The following MDGA2 variants were observed in gnomAD, a reference collection of about 807,000 sequenced individuals.
The protein encoded by MDGA2 is MAM domain containing glycosylphosphatidylinositol anchor 2.
In MDGA2, 40 loss-of-function variants were observed where a neutral mutation model predicts 117.8. The ratio of observed to expected loss-of-function variants is 0.34; its 90% CI spans 0.26 to 0.44. The LOEUF is 0.44. MDGA2 is among the 20% of genes least tolerant of loss of function. The probability of loss-of-function intolerance (pLI) is 1.00; values close to 1 mark genes in which losing one functional copy is unlikely to be tolerated. For missense variants in MDGA2, 1,123 were observed against 1,250.6 expected (o/e 0.90, Z 1.54); for synonymous variants, 452 against 439.0 (o/e 1.03, Z -0.37).
intron 1 of MDGA2, among the ~76,000 whole-genome samples, chr14:47,397,061 G>A (rs912484552): frequency 7.2e-5 from 11 of 152,090 alleles, no homozygotes; most frequent in Non-Finnish European, 1.6e-4. Flanking sequence ...GTTCACAATA[G>A]CAAAGACTTG....
chr14:46,886,099 A>G (rs1340032563), intron 10 of MDGA2, among the ~76,000 whole-genome samples: 1 of 152,144 alleles, frequency 6.6e-6, no homozygotes, highest in Non-Finnish European at 1.5e-5. Context: ...CAATCCATGA[A>G]AAATTGTCTT....
chr14:47,527,263 A>G (rs1894991902), intron 1 of MDGA2, among the ~76,000 whole-genome samples: 1 of 152,224 alleles, frequency 6.6e-6, no homozygotes, highest in Non-Finnish European at 1.5e-5. Flanking sequence ...TGTAAAATAA[A>G]TCAGAAAATA....
At chr14:46,847,031 T>C (rs996245547) in intron 15 of MDGA2, among the ~76,000 whole-genome samples, 4 of 152,076 alleles carry the variant, frequency 2.6e-5, no homozygotes, top group Admixed American at 2.6e-4. Context: ...GCTGCTGTCC[T>C]GGGAAAGCCA....
In MDGA2 at chr14:47,061,440, T is replaced by C. The variant is rs970399148; in HGVS notation, c.1334A>G (p.Asn445Ser). 1 of 1,613,628 alleles carries C rather than the reference T, an allele frequency of 6.2e-7. No individual in the cohort carries two copies. Among genetic ancestry groups the C allele is most frequent in the Non-Finnish European group, 8.5e-7 (1 of 1,179,638 alleles). ...CTCAGAACTTCTTAATGGACGACCA[T>C]TTTTAAACCAACTAAATGTTAGCTC... ...SEELTFSWFK[N>S]GRPLRSSERM... Residue 445 changes from asparagine to serine, a missense_variant, in exon 7 of 17, where the codon AAT becomes AGT. This residue lies in a region of MDGA2 where 890 missense variants were observed against 1,050.3 expected (regional missense o/e 0.85). Transcript: ENST00000399232.
At chr14:47,623,121 T>C (rs1286366633) in intron 1 of MDGA2, among the ~76,000 whole-genome samples, 1 of 152,150 alleles carries the variant, frequency 6.6e-6, no homozygotes, top group Non-Finnish European at 1.5e-5. Flanking sequence ...ATGGGTTTGT[T>C]ATTGAAGGAG....
chr14:46,994,756 G>A (rs931736588), intron 8 of MDGA2, among the ~76,000 whole-genome samples: 2 of 152,056 alleles, frequency 1.3e-5, no homozygotes, highest in South Asian at 2.1e-4. Flanking sequence ...ACACCCTTAA[G>A]TATAAAGCTT....
intron 2 of MDGA2, 114 bp downstream of exon 2, chr14:47,301,297 A>C (rs201951421): frequency 1.4e-3 from 3 of 2,190 alleles, no homozygotes; most frequent in Admixed American, 0.018. Context: ...ACACCCACCC[A>C]CACACACACA....
intron 3 of MDGA2, among the ~76,000 whole-genome samples, chr14:47,149,409 A>T (rs560056368): frequency 2.6e-5 from 4 of 152,316 alleles, no homozygotes; most frequent in African/African-American, 7.2e-5. Context: ...AGAGAGGCCA[A>T]TTCTATAATA....
chr14:47,648,356 A>T (rs1897575104), intron 1 of MDGA2, among the ~76,000 whole-genome samples: 1 of 152,144 alleles, frequency 6.6e-6, no homozygotes, highest in Admixed American at 6.5e-5. Flanking sequence ...ATTCTCAGTA[A>T]ATGGTATTAT....
intron 4 of MDGA2, among the ~76,000 whole-genome samples, chr14:47,133,126 C>CA (rs1453900948): frequency 6.7e-6 from 1 of 148,428 alleles, no homozygotes; most frequent in Non-Finnish European, 1.5e-5. Context: ...AAAAAACAAA[C>CA]AAACAAAAAA....
chr14:47,365,065 T>A (rs1277802557), intron 1 of MDGA2, among the ~76,000 whole-genome samples: 1 of 152,218 alleles, frequency 6.6e-6, no homozygotes, highest in East Asian at 1.9e-4. Context: ...TTGGGGAAAT[T>A]TGTAGTTTGT....
chr14:47,068,114 CTATT>C (rs1271425237), intron 6 of MDGA2, among the ~76,000 whole-genome samples: 1 of 152,004 alleles, frequency 6.6e-6, no homozygotes, highest in Non-Finnish European at 1.5e-5. Context: ...TATCAAGGCT[CTATT>C]TATTTTGTGA....
intron 9 of MDGA2, among the ~76,000 whole-genome samples, chr14:46,931,156 A>C (rs955670358): frequency 8.8e-5 from 13 of 146,898 alleles, no homozygotes; most frequent in African/African-American, 3.0e-4. Flanking sequence ...AGGTGGTTAC[A>C]GTGAGCCAAG....
intron 1 of MDGA2, among the ~76,000 whole-genome samples, chr14:47,504,919 T>C (rs1894479424): frequency 6.6e-6 from 1 of 152,102 alleles, no homozygotes; most frequent in African/African-American, 2.4e-5. Flanking sequence ...GTATTATTTG[T>C]AATAGCCAAT....
intron 4 of MDGA2, among the ~76,000 whole-genome samples, chr14:47,140,309 C>T (rs1332070313): frequency 1.3e-5 from 2 of 152,018 alleles, no homozygotes; most frequent in Non-Finnish European, 2.9e-5. Flanking sequence ...CAATGAAATT[C>T]TTCACAGATA....
At chr14:47,552,540 C>G (rs979302595) in intron 1 of MDGA2, among the ~76,000 whole-genome samples, 4 of 152,104 alleles carry the variant, frequency 2.6e-5, no homozygotes, top group African/African-American at 7.2e-5. Context: ...TGTCAAAATA[C>G]AGTTAGAATC....
At chr14:46,876,036 C>A (rs1219941888) in intron 12 of MDGA2, among the ~76,000 whole-genome samples, 1 of 151,326 alleles carries the variant, frequency 6.6e-6, no homozygotes, top group African/African-American at 2.4e-5. Flanking sequence ...AGCAATAATG[C>A]AGCTTATGAA....
At chr14:47,022,901 A>G (rs949770464) in intron 8 of MDGA2, among the ~76,000 whole-genome samples, 4 of 152,170 alleles carry the variant, frequency 2.6e-5, no homozygotes, top group African/African-American at 9.7e-5. Context: ...GGTGATGAGT[A>G]GCCATAGAGA....
At chr14:47,610,856 C>T (rs536293480) in intron 1 of MDGA2, among the ~76,000 whole-genome samples, 3 of 152,096 alleles carry the variant, frequency 2.0e-5, no homozygotes, top group South Asian at 4.1e-4. Flanking sequence ...TAGAAAAAAA[C>T]TATTCTAAAA....
Sources: gnomAD v4.1 joint callset for allele counts (sites outside exome capture counted in the v4.1 genomes callset) on GRCh38, gnomAD v4.1.1 for gene constraint, gnomAD v4.1.1 regional missense constraint, MANE v1.5 for transcripts, NCBI Gene and HGNC (gene_info 2026-07-23, HGNC 2026-07-21) for gene names.